Variants in ZNF710 observed in about 807,000 individuals in gnomAD.
The protein encoded by ZNF710 is zinc finger protein 710.
In ZNF710, 13 loss-of-function variants were observed where a neutral mutation model predicts 50.6. The ratio of observed to expected loss-of-function variants is 0.26; its 90% confidence interval spans 0.17 to 0.41. The LOEUF (loss-of-function observed/expected upper bound fraction) is 0.41. ZNF710 is among the 10% of genes least tolerant of loss of function. The pLI is 1.00. For missense variants in ZNF710, 721 were observed against 936.6 expected, an observed-to-expected ratio of 0.77 and a Z score of 3.01; for synonymous variants, 383 against 397.0, an observed-to-expected ratio of 0.96 and a Z score of 0.42.
intron 1 of ZNF710, among the ~76,000 whole-genome samples, chr15:90,061,347 T>G (rs944565267): frequency 9.9e-5 from 15 of 152,210 alleles, no homozygotes; most frequent in African/African-American, 2.9e-4. Flanking sequence ...TTTTGCATTT[T>G]TTTTTGCAGA....
rs1899052826 is a variant in ZNF710 at position 90,034,477 on chromosome 15, T to TGTGTGTGTGTGTG, written c.-28-32633_-28-32632insGTGTGTGTGTGTG. Among the ~76,000 whole-genome samples the TGTGTGTGTGTGTG allele has an allele frequency of 7.2e-6, 1 of 138,080 alleles. No individual in the cohort carries two copies. 90.6% of individuals were successfully genotyped at this position (138,080 alleles called of 152,430 possible). On this transcript the variant is annotated intron_variant, in intron 1 of 4. Coordinates refer to ENST00000268154, the MANE Select transcript of ZNF710 (RefSeq NM_198526.4). This position sits in a 1 kb window ranked among gnomAD's most constrained non-coding sequence, Gnocchi z 4.0. ...GTGTGTGTGTGTGTGTGTGTGTGTATTCTGTGCCTGTGGTGGTGGTGGCCA... is the reference window on the plus strand; with the variant it reads ...GTGTGTGTGTGTGTGTGTGTGTGTATGTGTGTGTGTGTGTCTGTGCCTGTGGTGGTGGTGGCCA...
chr15:90,030,144 A>T lies in ZNF710; in HGVS notation c.-29+28530A>T, dbSNP rs191087078. ...CAGGAGTTCGAGACCAGCCTGGCCAACATGGTGAAACCCCGTCTCTACTAA... is the reference window on the plus strand; with the variant it reads ...CAGGAGTTCGAGACCAGCCTGGCCATCATGGTGAAACCCCGTCTCTACTAA... On this transcript the variant is annotated intron_variant, in intron 1 of 4. Coordinates refer to ENST00000268154, the MANE Select transcript of ZNF710 (RefSeq NM_198526.4). Among the ~76,000 whole-genome samples the T allele has an allele frequency of 7.8e-3, 1,181 of 151,050 alleles. 11 individuals carry two copies. Among genetic ancestry groups the T allele is most frequent in the Middle Eastern group, 0.017 (5 of 294 alleles).
intron 1 of ZNF710, among the ~76,000 whole-genome samples, chr15:90,042,319 G>A (rs370430961): frequency 2.6e-5 from 4 of 152,122 alleles, no homozygotes; most frequent in African/African-American, 9.7e-5. Context: ...TGGAAAGGAA[G>A]GGTTTTCTTT....
intron 1 of ZNF710, among the ~76,000 whole-genome samples, chr15:90,026,392 C>T (rs1266062968): frequency 1.3e-5 from 2 of 151,890 alleles, no homozygotes; most frequent in Non-Finnish European, 1.5e-5. Context: ...GCATGCTTTT[C>T]TGAAAATATA....
chr15:90,078,472 G>A (rs2151542094), intron 4 of ZNF710, among the ~76,000 whole-genome samples: 1 of 152,262 alleles, frequency 6.6e-6, no homozygotes, highest in South Asian at 2.1e-4. Context: ...GAACTTACTA[G>A]CAGGCCTTTC....
rs78089549 is a variant in ZNF710, at chr15:90,009,631, A to G, written c.-29+8017A>G. 8.8e-4 allele frequency among the ~76,000 whole-genome samples: 133 copies of G among 151,774 alleles called. 3 individuals carry two copies. The East Asian group carries it at 0.022, about 25-fold the overall frequency. ...TGTGTCCTGCCCTGGCTTCCTCCCT[A>G]GGTCTGGGCACCCCACATCCTCCTA... On this transcript the variant is annotated intron_variant, in intron 1 of 4. Transcript: ENST00000268154.
intron 1 of ZNF710, among the ~76,000 whole-genome samples, chr15:90,017,583 C>T (rs548160686): frequency 6.6e-6 from 1 of 152,100 alleles, no homozygotes; most frequent in East Asian, 1.9e-4. Flanking sequence ...TGGGCCTGAG[C>T]TGGCATGTCC....
At chr15:90,070,606 C>G (rs180806899) in intron 2 of ZNF710, among the ~76,000 whole-genome samples, 165 of 151,958 alleles carry the variant, frequency 1.1e-3, no homozygotes, top group African/African-American at 3.9e-3. Flanking sequence ...GAGATCACAC[C>G]ACTGTGCTCC....
chr15:90,021,027 G>A (rs59277846), intron 1 of ZNF710, among the ~76,000 whole-genome samples: 2,115 of 149,966 alleles, frequency 0.014, 56 homozygotes, highest in African/African-American at 0.051. Flanking sequence ...CCCCTTAGCA[G>A]CCTGGGGGAC....
chr15:90,003,544 G>C lies in ZNF710; in HGVS notation c.-29+1930G>C, dbSNP rs564970170. Reference sequence around the variant, plus strand: ...GTCCCTATTGCATCTTCACCAGGGGGCCTAGAGAACCAATGGGGCCACGTG... The same window carrying C: ...GTCCCTATTGCATCTTCACCAGGGGCCCTAGAGAACCAATGGGGCCACGTG... On this transcript the variant is annotated intron_variant, in intron 1 of 4. Coordinates refer to ENST00000268154, the MANE Select transcript of ZNF710 (RefSeq NM_198526.4). Among the ~76,000 whole-genome samples the C allele has an allele frequency of 8.7e-4, 132 of 152,180 alleles. 1 individual carries two copies. Among genetic ancestry groups the C allele is most frequent in the African/African-American group, 3.0e-3 (124 of 41,522 alleles).
chr15:90,067,623 C>G lies in ZNF710; in HGVS notation c.486C>G (p.Ser162Arg). The change falls in exon 2 of 5, where the codon AGC becomes AGG. Residue 162 changes from serine to arginine, a missense_variant. Physicochemically the swap from Ser to Arg is moderately radical, Grantham distance 110. Coordinates refer to ENST00000268154, the MANE Select transcript of ZNF710 (RefSeq NM_198526.4). The surrounding 1 kb of genome is among the most constrained non-coding windows in gnomAD (Gnocchi z 8.1). ...QSSAVKMIDL[S>R]AFSRKPRTLR... ...GCGCCGTCAAGATGATCGACCTCAG[C>G]GCCTTCAGCCGCAAGCCCCGGACGC... The G allele has an allele frequency of 3.1e-6, 5 of 1,611,580 alleles. No individual in the cohort carries two copies. The highest frequency in any genetic ancestry group is 3.4e-6 in the Non-Finnish European group (4 of 1,179,144).
chr15:90,066,462 C>T (rs902530283), intron 1 of ZNF710, among the ~76,000 whole-genome samples: 1 of 147,396 alleles, frequency 6.8e-6, no homozygotes, highest in Non-Finnish European at 1.5e-5. Flanking sequence ...TTTTTGAATC[C>T]GATTTTTAAG....
In ZNF710 at chr15:90,080,156, C is replaced by T. The variant is rs950864212; in HGVS notation, c.*327C>T. ...GACAGGTCACAAGGGCACCGGCCCT[C>T]GGGGTCTCTCCAGGCCCAGCAGAGC... On this transcript the variant is annotated 3_prime_UTR_variant, in exon 5 of 5. Coordinates refer to ENST00000268154, the MANE Select transcript of ZNF710 (RefSeq NM_198526.4). The T allele has an allele frequency of 3.4e-5, 8 of 236,030 alleles. No individual in the cohort carries two copies. The highest frequency in any genetic ancestry group is 1.2e-4 in the East Asian group (1 of 8,426). The allele number at this position is 236,030 out of a possible 1,614,324, so 14.6% of individuals were successfully genotyped here. A position where few individuals can be genotyped will look rare whatever the true frequency, so the allele number is the denominator to read the frequency against.
chr15:90,021,957 T>C (rs1425993297), intron 1 of ZNF710, among the ~76,000 whole-genome samples: 1 of 152,164 alleles, frequency 6.6e-6, no homozygotes, highest in Non-Finnish European at 1.5e-5. Flanking sequence ...GGCGCATGCC[T>C]GTAAGTCCCA....
At chr15:90,049,197 T>C (rs950117) in intron 1 of ZNF710, among the ~76,000 whole-genome samples, 30,273 of 152,000 alleles carry the variant, frequency 0.2, 5,118 homozygotes, top group African/African-American at 0.46. Flanking sequence ...TTGAATCTTC[T>C]CTACCATCCT....
At chr15:90,075,903 G>A (rs796777583) in intron 4 of ZNF710, 2 of 152,260 alleles carry the variant, frequency 1.3e-5, no homozygotes, top group Non-Finnish European at 2.9e-5. Context: ...CACCTGCTGA[G>A]TCAGACTCTA....
chr15:90,054,663 A>G (rs1305853111), intron 1 of ZNF710, among the ~76,000 whole-genome samples: 3 of 152,208 alleles, frequency 2.0e-5, no homozygotes, highest in South Asian at 2.1e-4. Flanking sequence ...GAATGGTCCT[A>G]TTGTTACTTC....
chr15:90,033,199 C>T (rs566897651), intron 1 of ZNF710, among the ~76,000 whole-genome samples: 1 of 152,182 alleles, frequency 6.6e-6, no homozygotes, highest in Non-Finnish European at 1.5e-5. Flanking sequence ...TCATCTCGAA[C>T]AGCGTGTGGG....
chr15:90,030,101 G>A (rs1005318839), intron 1 of ZNF710, among the ~76,000 whole-genome samples: 5 of 150,822 alleles, frequency 3.3e-5, no homozygotes, highest in African/African-American at 9.7e-5. Flanking sequence ...AGGCTGAGGC[G>A]GATGGATCGC....
Sources: allele counts gnomAD v4.1 joint callset (sites outside exome capture counted in the v4.1 genomes callset), GRCh38; gene constraint gnomAD v4.1.1; non-coding constraint Gnocchi (gnomAD v3.1); transcripts MANE v1.5; gene names NCBI Gene and HGNC (gene_info 2026-07-23, HGNC 2026-07-21).